VPS35L: variants seen among roughly 807,000 people sequenced by gnomAD.
VPS35L encodes the protein VPS35 endosomal protein sorting factor like.
Under a neutral mutation model 133.0 loss-of-function variants are expected in VPS35L, and 83 were observed. The ratio of observed to expected loss-of-function variants is 0.62; its 90% CI spans 0.52 to 0.75. VPS35L has a LOEUF of 0.75. Among genes scored for constraint, VPS35L ranks in the 30% least tolerant of loss-of-function variants. VPS35L has a pLI of 0.00. For synonymous variants in VPS35L, 423 were observed against 449.9 expected (o/e 0.94, Z 0.76); for missense variants, 1,083 against 1,206.8 (o/e 0.90, Z 1.52).
intron 23 of VPS35L, among the ~76,000 whole-genome samples, chr16:19,647,517 C>T (rs1455817004): frequency 6.6e-6 from 1 of 152,092 alleles, no homozygotes; most frequent in Admixed American, 6.6e-5. Flanking sequence ...GACAAGGGGC[C>T]CCCAATAACC....
intron 1 of VPS35L, among the ~76,000 whole-genome samples, chr16:19,560,790 T>A (rs1260706292): frequency 6.6e-6 from 1 of 151,142 alleles, no homozygotes; most frequent in East Asian, 1.9e-4. Context: ...AGCAATACTC[T>A]GTCTAAAAAA....
rs547402736 is a variant in VPS35L at position 19,608,540 on chromosome 16, C to A, written c.881+266C>A. 1.4e-5 allele frequency: 6 copies of A among 438,736 alleles called. No individual in the cohort carries two copies. In the East Asian group the frequency reaches 2.2e-4, roughly 16 times the overall value. The allele number at this position is 438,736 out of a possible 1,614,324, so 27.2% of individuals were successfully genotyped here. ...CTTGAGGAACATTCCCACCTTAATT[C>A]TCTCAATTAAAATGCTTCATATTTG... On this transcript the variant is annotated intron_variant, in intron 10 of 30. Coordinates refer to ENST00000417362, the MANE Select transcript of VPS35L (RefSeq NM_020314.7).
At chr16:19,571,372 G>A (rs1270405232) in intron 3 of VPS35L, among the ~76,000 whole-genome samples, 4 of 151,598 alleles carry the variant, frequency 2.6e-5, no homozygotes, top group Non-Finnish European at 4.4e-5. Flanking sequence ...GTGTGCCACC[G>A]CACTCAGCTA....
chr16:19,698,095 T>G (rs536476553), intron 29 of VPS35L, among the ~76,000 whole-genome samples: 2 of 152,366 alleles, frequency 1.3e-5, no homozygotes, highest in South Asian at 4.1e-4. Flanking sequence ...GTCTCTGTTC[T>G]GGGTTTCACA....
Position 19,628,815 on chromosome 16 carries a change from G to A in VPS35L, c.1500+62G>A, listed in dbSNP as rs545665717. 6.3e-5 allele frequency: 47 copies of A among 748,298 alleles called. No individual in the cohort carries two copies. The African/African-American group carries it at 8.2e-4, about 13-fold the overall frequency. 46.4% of individuals were successfully genotyped at this position (748,298 alleles called of 1,614,324 possible). On this transcript the variant is annotated intron_variant, in intron 17 of 30. Transcript: ENST00000417362. Reference sequence around the variant, plus strand: ...TTTATTTATTTATTTATTTTGAGATGAAGTCTTGCTCTGTCGCCCAGGCTA... The same window carrying A: ...TTTATTTATTTATTTATTTTGAGATAAAGTCTTGCTCTGTCGCCCAGGCTA...
At chr16:19,601,511 G>T in intron 8 of VPS35L, 153 bp from the exon 9 acceptor site, 1 of 658,772 alleles carries the variant, frequency 1.5e-6, no homozygotes, top group Non-Finnish European at 2.5e-6. Context: ...AAAAAAATGT[G>T]GCTTAAAATC....
At chr16:19,657,418 G>A (rs1434276828) in intron 26 of VPS35L, among the ~76,000 whole-genome samples, 1 of 152,052 alleles carries the variant, frequency 6.6e-6, no homozygotes, top group Non-Finnish European at 1.5e-5. Context: ...ACCATCCTTG[G>A]CCTTCCCATT....
chr16:19,587,114 G>GAA (rs1176005564), intron 7 of VPS35L, among the ~76,000 whole-genome samples: 1 of 151,962 alleles, frequency 6.6e-6, no homozygotes, highest in Admixed American at 6.6e-5. Context: ...GAGAGAGAGA[G>GAA]AACAGGGAGG....
At chr16:19,660,182 G>A (rs1174878834) in intron 26 of VPS35L, among the ~76,000 whole-genome samples, 1 of 151,944 alleles carries the variant, frequency 6.6e-6, no homozygotes, top group Admixed American at 6.6e-5. Flanking sequence ...AAAATTAGCC[G>A]GGCGTGGTGG....
intron 18 of VPS35L, among the ~76,000 whole-genome samples, chr16:19,632,597 G>A (rs1357096188): frequency 6.6e-6 from 1 of 152,180 alleles, no homozygotes; most frequent in Non-Finnish European, 1.5e-5. Flanking sequence ...TAATTATAGA[G>A]ACTTAAAAGC....
chr16:19,645,025 T>G, intron 23 of VPS35L, 76 bp downstream of exon 23: 1 of 1,032,224 alleles, frequency 9.7e-7, no homozygotes, highest in East Asian at 2.4e-5. Context: ...GCGAAAGCAG[T>G]TAACATTATG....
Position 19,700,461 on chromosome 16 carries a change from G to A in VPS35L, c.2877G>A (p.Leu959=), listed in dbSNP as rs1212939063. 58 of 1,614,042 alleles carry A rather than the reference G, an allele frequency of 3.6e-5. No individual in the cohort carries two copies. Among genetic ancestry groups the A allele is most frequent in the Non-Finnish European group, 4.6e-5 (54 of 1,179,986 alleles). ...CGGAGCTGGCCCTCAGACTCCCTCT[G>A]CAAACAAGGACCTGACCCCCGGGCC... ...HLTELALRLP[L]QTRT is the part of the protein sequence containing the mutation. Residue 959 remains leucine, a synonymous_variant, in exon 31 of 31, where the codon CTG becomes CTA. Transcript: ENST00000417362.
At chr16:19,574,723 G>C (rs1413670251) in intron 4 of VPS35L, among the ~76,000 whole-genome samples, 2 of 152,074 alleles carry the variant, frequency 1.3e-5, no homozygotes, top group Non-Finnish European at 2.9e-5. Context: ...AGTTCTGGGG[G>C]TGGTACTGAC....
chr16:19,579,177 C>T lies in VPS35L; in HGVS notation c.510+49C>T, dbSNP rs745545677. 6 of 1,559,136 alleles carry T rather than the reference C, an allele frequency of 3.8e-6. No individual in the cohort carries two copies. In the South Asian group the frequency reaches 6.8e-5, roughly 18 times the overall value. ...CAGGGAGTGGGAGAGCTTTTCCTTC[C>T]TCCTGCCAAGTGAGATCAACCTCGG... On this transcript the variant is annotated intron_variant, in intron 6 of 30. Transcript: ENST00000417362.
chr16:19,647,238 A>T (rs1243902754), intron 23 of VPS35L, among the ~76,000 whole-genome samples: 2 of 152,212 alleles, frequency 1.3e-5, no homozygotes, highest in Non-Finnish European at 2.9e-5. Flanking sequence ...CCAAGTTATT[A>T]TGGAAAAGAA....
intron 2 of VPS35L, among the ~76,000 whole-genome samples, chr16:19,567,394 T>G (rs1185538479): frequency 6.6e-6 from 1 of 152,194 alleles, no homozygotes; most frequent in Non-Finnish European, 1.5e-5. Flanking sequence ...GTTGATAGAT[T>G]GGGGTAGGTC....
chr16:19,661,608 G>T (rs1974487687), intron 26 of VPS35L, among the ~76,000 whole-genome samples: 1 of 152,166 alleles, frequency 6.6e-6, no homozygotes, highest in South Asian at 2.1e-4. Context: ...CTTGCAAGTG[G>T]ACTGACTGGG....
intron 5 of VPS35L, among the ~76,000 whole-genome samples, chr16:19,575,773 G>A (rs1421487895): frequency 6.6e-6 from 1 of 151,732 alleles, no homozygotes; most frequent in Non-Finnish European, 1.5e-5. Context: ...TGAGGCAGGA[G>A]AATCGCTTGA....
chr16:19,595,238 G>A (rs572033546), intron 8 of VPS35L, among the ~76,000 whole-genome samples: 160 of 152,254 alleles, frequency 1.1e-3, no homozygotes, highest in African/African-American at 3.8e-3. Context: ...TCCGTGTTGA[G>A]ACTAGACTGT....
Sources: gnomAD v4.1 joint callset for allele counts (sites outside exome capture counted in the v4.1 genomes callset) on GRCh38, gnomAD v4.1.1 for gene constraint, MANE v1.5 for transcripts, NCBI Gene and HGNC (gene_info 2026-07-23, HGNC 2026-07-21) for gene names.